The following ITIH4 variants were observed in gnomAD, a reference collection of about 807,000 sequenced individuals.
The protein encoded by ITIH4 is inter-alpha-trypsin inhibitor heavy chain H4.
In ITIH4, 79 loss-of-function variants were observed where a neutral mutation model predicts 111.8. The ratio of observed to expected loss-of-function variants is 0.71; its 90% CI spans 0.59 to 0.85. ITIH4 has a LOEUF of 0.85. Ranked by LOEUF, ITIH4 falls within the 40% of genes least tolerant of loss-of-function variation. The pLI is 0.00. For synonymous variants in ITIH4, 472 were observed against 468.3 expected (o/e 1.01, Z -0.10); for missense variants, 1,065 against 1,195.8 (o/e 0.89, Z 1.61).
rs753274222 is a variant in ITIH4, at chr3:52,830,461, T to C, written c.90+92A>G. 7 of 1,234,134 alleles carry C rather than the reference T, an allele frequency of 5.7e-6. No homozygotes were observed. In the African/African-American group the frequency reaches 1.0e-4, roughly 18 times the overall value. The allele number at this position is 1,234,134 out of a possible 1,614,324, so 76.4% of individuals were successfully genotyped here. ...ACACACAGGGATGCACACGCACTTG[T>C]GCTGACACGCTGGCACATGCGGAGG... On this transcript the variant is annotated intron_variant, in intron 1 of 23. Transcript: ENST00000266041.
rs773321971 is a variant in ITIH4 at position 52,823,911 on chromosome 3, C to T, written c.1265G>A (p.Ser422Asn). 4 of 1,612,220 alleles carry T rather than the reference C, an allele frequency of 2.5e-6. No individual in the cohort carries two copies. Among genetic ancestry groups the T allele is most frequent in the Admixed American group, 1.7e-5 (1 of 59,706 alleles). Residue 422 changes from serine (S) to asparagine (N), a missense_variant, in exon 10 of 24, where the codon AGC becomes AAC. Physicochemically the swap from Ser to Asn is conservative, Grantham distance 46. Transcript: ENST00000266041. ...LFCLGFGFDVSYAFLEKLALD... is the reference protein window; with the variant it reads ...LFCLGFGFDVNYAFLEKLALD... ...TGCCAGCTTCTCCAGGAAGGCATAG[C>T]TGACGTCGAAACCGAAGCCCAGGCA...
At chr3:52,823,094 G>A (rs1700413420) in intron 11 of ITIH4, among the ~76,000 whole-genome samples, 1 of 152,218 alleles carries the variant, frequency 6.6e-6, no homozygotes, top group Non-Finnish European at 1.5e-5. Flanking sequence ...TTCTCTTTGT[G>A]GAAATGACAG....
intron 15 of ITIH4, 66 bp from the exon 16 acceptor site, chr3:52,819,858 A>T (rs771382836): frequency 6.2e-7 from 1 of 1,603,746 alleles, no homozygotes; most frequent in Non-Finnish European, 8.5e-7. Flanking sequence ...CAGCCAGAGG[A>T]GCTGGGCAAG....
Position 52,814,363 on chromosome 3 carries a change from G to GT in ITIH4, c.2472-1_2472insA (p.Leu825ProfsTer15), listed in dbSNP as rs755928912. On this transcript the variant is annotated frameshift_variant and splice_region_variant. Coordinates refer to ENST00000266041, the MANE Select transcript of ITIH4 (RefSeq NM_002218.5). LOFTEE classifies it high-confidence loss of function. ...CCGTCTTGTCCATGGTCATCTTCAG[G>GT]CTGTGGAAAGACCCAGTGTCTTGAG... is the stretch of plus-strand genomic sequence containing the variant. The GT allele has an allele frequency of 3.1e-6, 5 of 1,613,750 alleles. No individual in the cohort carries two copies. The East Asian group carries it at 1.1e-4, about 36-fold the overall frequency.
intron 2 of ITIH4, among the ~76,000 whole-genome samples, chr3:52,827,499 C>T (rs1047962707): frequency 2.0e-5 from 3 of 152,254 alleles, no homozygotes; most frequent in Non-Finnish European, 4.4e-5. Flanking sequence ...CCTGCCTTCT[C>T]TCCACCTGTC....
Position 52,813,412 on chromosome 3 carries a change from C to T in ITIH4, c.*9G>A, listed in dbSNP as rs1421893809. On this transcript the variant is annotated 3_prime_UTR_variant, in exon 24 of 24. Transcript: ENST00000266041. ...GTGTACAGGGTGGGCACAGCTCCTT[C>T]CATCAGAACTACAGCTCCACAGACC... 6.2e-7 allele frequency: 1 copy of T among 1,613,920 alleles called. No homozygotes were observed. Among genetic ancestry groups the T allele is most frequent in the East Asian group, 2.2e-5 (1 of 44,882 alleles).
At chr3:52,816,483 T>A (rs1700278710) in intron 21 of ITIH4, among the ~76,000 whole-genome samples, 1 of 152,168 alleles carries the variant, frequency 6.6e-6, no homozygotes, top group South Asian at 2.1e-4. Flanking sequence ...GGGCACTGTA[T>A]CATCTGACGG....
chr3:52,814,916 T>C (rs899169180), intron 21 of ITIH4, among the ~76,000 whole-genome samples: 2 of 152,122 alleles, frequency 1.3e-5, no homozygotes, highest in Non-Finnish European at 2.9e-5. Context: ...TGTCATAAAT[T>C]AATTTTATAT....
intron 17 of ITIH4, chr3:52,819,074 C>T (rs1700327910): frequency 5.3e-6 from 2 of 375,060 alleles, no homozygotes; most frequent in South Asian, 5.2e-5. Flanking sequence ...TCTGTCATGG[C>T]CTGTGGTCTG....
chr3:52,817,560 C>T (rs1448474480), intron 20 of ITIH4, among the ~76,000 whole-genome samples: 1 of 152,100 alleles, frequency 6.6e-6, no homozygotes. Flanking sequence ...GGAGTGTGTC[C>T]CCATGTCTGG....
chr3:52,818,244 G>A lies in ITIH4; in HGVS notation c.2179+13C>T. The A allele has an allele frequency of 1.9e-6, 3 of 1,584,640 alleles. No individual in the cohort carries two copies. The highest frequency in any genetic ancestry group is 8.6e-7 in the Non-Finnish European group (1 of 1,165,738). On this transcript the variant is annotated intron_variant, in intron 19 of 23. Transcript: ENST00000266041. Reference sequence around the variant, plus strand: ...AAGGATGTGGAAAGGGGCCAAGGGGGCTGGGAACTTACCTGGGGTTTGGGT... The same window carrying A: ...AAGGATGTGGAAAGGGGCCAAGGGGACTGGGAACTTACCTGGGGTTTGGGT...
intron 6 of ITIH4, chr3:52,825,186 T>C: frequency 2.8e-6 from 1 of 360,270 alleles, no homozygotes; most frequent in Non-Finnish European, 5.0e-6. Flanking sequence ...CCTGCAACTT[T>C]TCCTTCTATT....
chr3:52,824,455 G>A lies in ITIH4; in HGVS notation c.987C>T (p.Ala329=). The A allele has an allele frequency of 6.2e-7, 1 of 1,614,212 alleles. No individual in the cohort carries two copies. The highest frequency in any genetic ancestry group is 8.5e-7 in the Non-Finnish European group (1 of 1,180,042). Residue 329 remains alanine, a synonymous_variant, in exon 8 of 24, where the codon GCC becomes GCT. Transcript: ENST00000266041. The surrounding 1 kb of genome is among the most constrained non-coding windows in gnomAD (Gnocchi z 4.3). ...ATQWRPSLVP[A]SAENVNKARS... The stretch of plus-strand genomic sequence containing the variant: ...TGGCCTTGTTCACGTTCTCGGCTGA[G>A]GCTGGCACCAGTGATGGCCTCCACT...
At position 52,830,575 on chromosome 3, in the gene ITIH4, T is replaced by C; in HGVS notation, c.68A>G (p.His23Arg). 6.2e-7 allele frequency: 1 copy of C among 1,614,146 alleles called. No homozygotes were observed. Among genetic ancestry groups the C allele is most frequent in the Non-Finnish European group, 8.5e-7 (1 of 1,180,004 alleles). ...TACCTTTTCGGCAGTAGTAGTCTGG[T>C]GGATGGCCAGCAGTGAAAGCAGGAC... The part of the protein sequence containing the change: ...VLVLLSLLAI[H>R]QTTTAEKNGI... The change falls in exon 1 of 24, where the codon CAC (histidine) becomes CGC (arginine). Residue 23 changes from histidine to arginine, a missense_variant. Coordinates refer to ENST00000266041, the MANE Select transcript of ITIH4 (RefSeq NM_002218.5).
In ITIH4 at chr3:52,826,853, G is replaced by A. The variant is rs372654900; in HGVS notation, c.457C>T (p.Arg153Cys). The A allele has an allele frequency of 3.3e-5, 54 of 1,613,818 alleles. No individual in the cohort carries two copies. The highest frequency in any genetic ancestry group is 5.3e-5 in the African/African-American group (4 of 74,918). ...AGCAGCAGCTCGTACACCCCCAAAC[G>A]CCGCTTGAGCAGCTCCTCATAGACC... ...ELVYEELLKR[R>C]LGVYELLLKV... The change falls in exon 4 of 24, where the codon CGT (arginine) becomes TGT (cysteine). Residue 153 changes from arginine (R) to cysteine (C), a missense_variant. Coordinates refer to ENST00000266041, the MANE Select transcript of ITIH4 (RefSeq NM_002218.5).
In ITIH4 at chr3:52,818,453, TG is replaced by T. The variant is rs2154111266; in HGVS notation, c.2152+8del. ...CCTGTTAGGACAGGGCCTCTGGCCT[TG>T]GGGGCACCTTCGATTTTCATATTCA... On this transcript the variant is annotated splice_region_variant and intron_variant, in intron 18 of 23. Transcript: ENST00000266041. 6.3e-7 allele frequency: 1 copy of T among 1,597,856 alleles called. No individual in the cohort carries two copies. Among genetic ancestry groups the T allele is most frequent in the Non-Finnish European group, 8.5e-7 (1 of 1,171,812 alleles).
At chr3:52,820,042 C>G in intron 14 of ITIH4, 52 bp from the exon 15 acceptor site, 1 of 1,578,676 alleles carries the variant, frequency 6.3e-7, no homozygotes, top group South Asian at 1.1e-5. Flanking sequence ...TTCCTGTGGC[C>G]CCACTTGGAT....
At position 52,820,622 on chromosome 3, in the gene ITIH4, C is replaced by T. The variant is rs1372923896; in HGVS notation, c.1834+9G>A. 3 of 1,603,096 alleles carry T rather than the reference C, an allele frequency of 1.9e-6. No individual in the cohort carries two copies. Among genetic ancestry groups the T allele is most frequent in the East Asian group, 4.5e-5 (2 of 44,732 alleles). ...ACCTGGGAGGCTGAGATCTCAACCC[C>T]ACACCCACCGCCTTCCATGGGCTTC... On this transcript the variant is annotated intron_variant, in intron 13 of 23. Transcript: ENST00000266041.
rs960899559 is a variant in ITIH4, at chr3:52,824,739, T to C, written c.876+103A>G. 8.0e-7 allele frequency: 1 copy of C among 1,255,768 alleles called. No homozygotes were observed. The highest frequency in any genetic ancestry group is 2.0e-5 in the Admixed American group (1 of 48,992). The allele number at this position is 1,255,768 out of a possible 1,614,324, so 77.8% of individuals were successfully genotyped here. A position where few individuals can be genotyped will look rare whatever the true frequency, so the allele number is the denominator to read the frequency against. Reference sequence around the variant, plus strand: ...TGGTTCCTGAGAGCCACCCGCCCCATGGTGCCGAAAGGTGAAGCAAGGGGG... The same window carrying C: ...TGGTTCCTGAGAGCCACCCGCCCCACGGTGCCGAAAGGTGAAGCAAGGGGG... On this transcript the variant is annotated intron_variant, in intron 7 of 23. Coordinates refer to ENST00000266041, the MANE Select transcript of ITIH4 (RefSeq NM_002218.5). This position sits in a 1 kb window ranked among gnomAD's most constrained non-coding sequence, Gnocchi z 4.3.
Sources: allele counts gnomAD v4.1 joint callset (sites outside exome capture counted in the v4.1 genomes callset), GRCh38; gene constraint gnomAD v4.1.1; non-coding constraint Gnocchi (gnomAD v3.1); transcripts MANE v1.5; gene names NCBI Gene and HGNC (gene_info 2026-07-23, HGNC 2026-07-21).